PTPRD: variants seen among roughly 807,000 people sequenced by gnomAD.
PTPRD encodes receptor-type tyrosine-protein phosphatase delta.
A neutral mutation model predicts 214.5 loss-of-function variants in PTPRD; 34 were observed. The ratio of observed to expected loss-of-function variants is 0.16; its 90% confidence interval spans 0.12 to 0.21. The LOEUF is 0.21. PTPRD is among the 10% of genes least tolerant of loss of function. The pLI is 1.00. For synonymous variants in PTPRD, 1,128 were observed against 845.7 expected (o/e 1.33, Z -5.79); for missense variants, 2,545 against 2,398.7 (o/e 1.06, Z -1.27).
chr9:9,751,802 G>C (rs985846399), intron 6 of PTPRD, among the ~76,000 whole-genome samples: 1 of 152,082 alleles, frequency 6.6e-6, no homozygotes, highest in African/African-American at 2.4e-5. Context: ...TGTTGTTTAA[G>C]CTGCTCAGTT....
At chr9:8,680,618 T>A (rs773805907) in intron 12 of PTPRD, among the ~76,000 whole-genome samples, 14 of 152,192 alleles carry the variant, frequency 9.2e-5, no homozygotes, top group Non-Finnish European at 1.5e-4. Flanking sequence ...ATATATGATA[T>A]TAAATATACA....
chr9:8,355,433 CT>C (rs35245864), intron 39 of PTPRD, among the ~76,000 whole-genome samples: 89,422 of 151,440 alleles, frequency 0.59, 27,857 homozygotes, highest in Non-Finnish European at 0.71. Context: ...TATGGTTGAC[CT>C]TTTAGTTCGA....
chr9:9,797,022 T>C (rs1598111980), intron 5 of PTPRD, among the ~76,000 whole-genome samples: 5 of 152,274 alleles, frequency 3.3e-5, no homozygotes, highest in Admixed American at 3.3e-4. Context: ...AGATTGAACA[T>C]AGTTTTCTGA....
intron 7 of PTPRD, among the ~76,000 whole-genome samples, chr9:9,604,014 G>T (rs2093979508): frequency 6.6e-6 from 1 of 151,866 alleles, no homozygotes; most frequent in African/African-American, 2.4e-5. Flanking sequence ...TTTTTGCTGT[G>T]AAATATACTA....
intron 3 of PTPRD, among the ~76,000 whole-genome samples, chr9:10,210,136 T>C (rs1269625547): frequency 6.6e-6 from 1 of 152,210 alleles, no homozygotes; most frequent in Non-Finnish European, 1.5e-5. Context: ...GAATTACCAA[T>C]TCATGTGACC....
intron 9 of PTPRD, among the ~76,000 whole-genome samples, chr9:9,315,415 T>A (rs2135694741): frequency 6.6e-6 from 1 of 152,166 alleles, no homozygotes; most frequent in East Asian, 1.9e-4. Context: ...GTTAAACACT[T>A]ATCTAGGATA....
At position 8,625,334 on chromosome 9, in the gene PTPRD, ATACT is replaced by A. The variant is rs551923898; in HGVS notation, c.352+7979_352+7982del. ...TTTTATGAGCACATACTTTTCTACTATACTTAATTTTCTAGTTGACCAGTAAATG... is the reference window on the plus strand; with the variant it reads ...TTTTATGAGCACATACTTTTCTACTATAATTTTCTAGTTGACCAGTAAATG... On this transcript the variant is annotated intron_variant, in intron 14 of 45. Transcript: ENST00000381196. 4.6e-5 allele frequency among the ~76,000 whole-genome samples: 7 copies of A among 151,970 alleles called. No homozygotes were observed. In the South Asian group the frequency reaches 8.3e-4, roughly 18 times the overall value.
At chr9:8,750,968 G>A (rs1207061425) in intron 11 of PTPRD, among the ~76,000 whole-genome samples, 2 of 152,156 alleles carry the variant, frequency 1.3e-5, no homozygotes, top group Non-Finnish European at 2.9e-5. Flanking sequence ...CCAAGTCTCT[G>A]TAGAGACTTC....
intron 14 of PTPRD, among the ~76,000 whole-genome samples, chr9:8,629,802 T>A (rs574267184): frequency 6.6e-6 from 1 of 151,920 alleles, no homozygotes; most frequent in Admixed American, 6.6e-5. Flanking sequence ...CCTCTCCTAC[T>A]TCTTTCGTGA....
chr9:10,519,257 C>CA (rs35808416), intron 2 of PTPRD, among the ~76,000 whole-genome samples: 1,735 of 71,224 alleles, frequency 0.024, 60 homozygotes, highest in African/African-American at 0.055. Flanking sequence ...ATTTCCTCCA[C>CA]AAAAAAAAAA....
At chr9:10,000,119 T>A (rs904601050) in intron 4 of PTPRD, among the ~76,000 whole-genome samples, 7 of 152,176 alleles carry the variant, frequency 4.6e-5, no homozygotes. Context: ...AAGCCTAAAG[T>A]TATTCTCCAA....
intron 5 of PTPRD, among the ~76,000 whole-genome samples, chr9:9,928,769 C>CACACACACACACACACAA (rs2085274209): frequency 1.3e-5 from 2 of 151,696 alleles, no homozygotes; most frequent in African/African-American, 4.8e-5. Context: ...CACACACACA[C>CACACACACACACACACAA]ACACACACAC....
At position 9,726,175 on chromosome 9, in the gene PTPRD, G is replaced by A. The variant is rs185734385; in HGVS notation, c.-287+8358C>T. ...TATCCCATAATTAATCTTCTATTAG[G>A]ATCTGTCTCAGAACCTCCTCGGTTA... On this transcript the variant is annotated intron_variant, in intron 7 of 45. Transcript: ENST00000381196. 1.9e-3 allele frequency among the ~76,000 whole-genome samples: 284 copies of A among 152,096 alleles called. 1 individual carries two copies. Among genetic ancestry groups the A allele is most frequent in the South Asian group, 4.2e-3 (20 of 4,816 alleles).
intron 10 of PTPRD, among the ~76,000 whole-genome samples, chr9:9,024,348 G>GTTTTTTT (rs752607769): frequency 3.1e-5 from 2 of 64,182 alleles, no homozygotes; most frequent in Non-Finnish European, 7.6e-5. Context: ...GTTTTTTTTT[G>GTTTTTTT]TTTGTTTTTT....
At chr9:8,723,598 A>G (rs749129606) in intron 12 of PTPRD, among the ~76,000 whole-genome samples, 23 of 152,318 alleles carry the variant, frequency 1.5e-4, no homozygotes, top group South Asian at 1.0e-3. Flanking sequence ...TTTAAATGAA[A>G]TGTTACTGAA....
intron 9 of PTPRD, among the ~76,000 whole-genome samples, chr9:9,311,346 G>A (rs1015317971): frequency 6.6e-6 from 1 of 151,950 alleles, no homozygotes; most frequent in Non-Finnish European, 1.5e-5. Flanking sequence ...TCTCAGGAGA[G>A]GTCTGAATAT....
intron 12 of PTPRD, among the ~76,000 whole-genome samples, chr9:8,679,452 G>A (rs1174383357): frequency 6.6e-6 from 1 of 152,172 alleles, no homozygotes; most frequent in East Asian, 1.9e-4. Flanking sequence ...AGAGAATGAT[G>A]TCAGCAAAAG....
chr9:9,824,918 T>A (rs1166714098), intron 5 of PTPRD, among the ~76,000 whole-genome samples: 2 of 151,924 alleles, frequency 1.3e-5, no homozygotes, highest in Non-Finnish European at 2.9e-5. Context: ...ACAAAGCATA[T>A]AAAGTGGGCT....
intron 13 of PTPRD, among the ~76,000 whole-genome samples, chr9:8,636,096 C>G (rs567184816): frequency 1.1e-4 from 17 of 152,290 alleles, no homozygotes; most frequent in African/African-American, 3.8e-4. Flanking sequence ...CTAGTTCACA[C>G]TACTTGTAAA....
Sources: allele counts gnomAD v4.1 joint callset (sites outside exome capture counted in the v4.1 genomes callset), GRCh38; gene constraint gnomAD v4.1.1; transcripts MANE v1.5; gene names NCBI Gene and HGNC (gene_info 2026-07-23, HGNC 2026-07-21).